Variants in TMPRSS15 observed in about 807,000 individuals in gnomAD.
The protein encoded by TMPRSS15 is enteropeptidase.
A neutral mutation model predicts 125.3 loss-of-function variants in TMPRSS15; 128 were observed. The observed-to-expected ratio is 1.02, with a 90% CI of 0.89 to 1.18. The LOEUF (loss-of-function observed/expected upper bound fraction) is 1.18. Ranked by LOEUF, TMPRSS15 falls within the 50% of genes most tolerant of loss-of-function variation. The pLI is 0.00. For missense variants in TMPRSS15, 1,283 were observed against 1,212.7 expected, an observed-to-expected ratio of 1.06 and a Z score of -0.86; for synonymous variants, 446 against 423.2, an observed-to-expected ratio of 1.05 and a Z score of -0.66.
At position 18,294,323 on chromosome 21, in the gene TMPRSS15, G is replaced by A. The variant is rs377055842; in HGVS notation, c.2433C>T (p.Gly811=). Reference sequence around the variant, plus strand: ...GCCAGTCACTGCTGACGAGAGATGCGCCGCAGAGCAGTCGGCCGCCATAAT... The same window carrying A: ...GCCAGTCACTGCTGACGAGAGATGCACCGCAGAGCAGTCGGCCGCCATAAT... ...GLYYGGRLLC[G]ASLVSSDWLV... Residue 811 remains glycine, a synonymous_variant, in exon 21 of 25, where the codon GGC becomes GGT. Coordinates refer to ENST00000284885, the MANE Select transcript of TMPRSS15 (RefSeq NM_002772.3). The A allele has an allele frequency of 3.3e-5, 53 of 1,614,098 alleles. 1 individual carries two copies. Among genetic ancestry groups the A allele is most frequent in the East Asian group, 2.9e-4 (13 of 44,890 alleles).
intron 21 of TMPRSS15, among the ~76,000 whole-genome samples, chr21:18,291,671 A>T (rs924638247): frequency 5.9e-5 from 9 of 152,208 alleles, no homozygotes; most frequent in African/African-American, 2.2e-4. Context: ...ACAGTTTTTG[A>T]TTAAACTATC....
At chr21:18,394,264 T>C (rs2076014268) in intron 3 of TMPRSS15, among the ~76,000 whole-genome samples, 1 of 152,182 alleles carries the variant, frequency 6.6e-6, no homozygotes, top group Non-Finnish European at 1.5e-5. Flanking sequence ...GTATCTCTCA[T>C]AGAATTTTAG....
chr21:18,318,830 T>C (rs889947278), intron 16 of TMPRSS15, among the ~76,000 whole-genome samples: 6 of 152,230 alleles, frequency 3.9e-5, no homozygotes, highest in Non-Finnish European at 8.8e-5. Flanking sequence ...ATGCCAGCTG[T>C]AATACCCATA....
rs375833531 is a variant in TMPRSS15, at chr21:18,275,574, G to A, written c.2765-238C>T. ...TTTTTACCGAAGGGCTAGTAGGAGC[G>A]ATGGATTAGACTAGATGGTCTTTGG... On this transcript the variant is annotated intron_variant, in intron 23 of 24. Coordinates refer to ENST00000284885, the MANE Select transcript of TMPRSS15 (RefSeq NM_002772.3). Among the ~76,000 whole-genome samples, 144 of 152,286 alleles carry A rather than the reference G, an allele frequency of 9.5e-4. 3 individuals are homozygous for A. Among genetic ancestry groups the A allele is most frequent in the African/African-American group, 3.2e-3 (132 of 41,566 alleles).
At chr21:18,397,193 A>G (rs1055434936) in intron 3 of TMPRSS15, among the ~76,000 whole-genome samples, 1 of 152,030 alleles carries the variant, frequency 6.6e-6, no homozygotes, top group East Asian at 1.9e-4. Context: ...GGTAGTTTGT[A>G]GTTTAGAAAA....
intron 18 of TMPRSS15, among the ~76,000 whole-genome samples, chr21:18,309,996 A>G (rs551006441): frequency 2.6e-5 from 4 of 152,286 alleles, no homozygotes; most frequent in Non-Finnish European, 5.9e-5. Context: ...TTTTGAGAAT[A>G]TAACAGGAAC....
At chr21:18,360,100 G>T (rs2147022813) in intron 7 of TMPRSS15, among the ~76,000 whole-genome samples, 1 of 152,056 alleles carries the variant, frequency 6.6e-6, no homozygotes, top group African/African-American at 2.4e-5. Context: ...ACTTCCCATT[G>T]CTTAGTCCTC....
upstream of TMPRSS15, among the ~76,000 whole-genome samples, chr21:18,406,260 G>A (rs1307911299): frequency 6.6e-6 from 1 of 152,096 alleles, no homozygotes; most frequent in East Asian, 1.9e-4. Context: ...GGGGGAAATA[G>A]AGTGGAATAT....
At chr21:18,297,404 ACAATTTCT>A (rs2074919122) in intron 19 of TMPRSS15, among the ~76,000 whole-genome samples, 1 of 152,106 alleles carries the variant, frequency 6.6e-6, no homozygotes, top group Non-Finnish European at 1.5e-5. Flanking sequence ...CCCAGTTCTC[ACAATTTCT>A]TTCCAAGTGA....
chr21:18,461,674 A>G (rs181998753), intron 1 of TMPRSS15, among the ~76,000 whole-genome samples: 1 of 152,258 alleles, frequency 6.6e-6, no homozygotes, highest in Admixed American at 6.5e-5. Context: ...TGAACCTCAC[A>G]GTTTTAAATT....
intron 16 of TMPRSS15, among the ~76,000 whole-genome samples, chr21:18,321,266 GT>G (rs2075231399): frequency 6.6e-6 from 1 of 151,476 alleles, no homozygotes; most frequent in Non-Finnish European, 1.5e-5. Flanking sequence ...CTATACAATT[GT>G]GTTAAATTTC....
Position 18,343,553 on chromosome 21 carries a change from T to A in TMPRSS15, c.1381A>T (p.Asn461Tyr), listed in dbSNP as rs373594153. The A allele has an allele frequency of 1.9e-6, 3 of 1,613,438 alleles. No homozygotes were observed. The highest frequency in any genetic ancestry group is 1.7e-4 in the Middle Eastern group (1 of 6,050). The change falls in exon 12 of 25, where the codon AAT (asparagine) becomes TAT (tyrosine). Residue 461 changes from asparagine (N) to tyrosine (Y), a missense_variant. Asn to Tyr is a moderately radical substitution (Grantham distance 143, BLOSUM62 -2). Coordinates refer to ENST00000284885, the MANE Select transcript of TMPRSS15 (RefSeq NM_002772.3). ...AGGGTTACTTGTCCATAATTCCAATTGTCTCCATAATTTCCTTCCTTTTGG... is the reference window on the plus strand; with the variant it reads ...AGGGTTACTTGTCCATAATTCCAATAGTCTCCATAATTTCCTTCCTTTTGG... ...VFQKEGNYGD[N>Y]WNYGQVTLNE...
At chr21:18,479,274 C>T (rs1299242185) in intron 1 of TMPRSS15, among the ~76,000 whole-genome samples, 1 of 151,922 alleles carries the variant, frequency 6.6e-6, no homozygotes, top group Non-Finnish European at 1.5e-5. Context: ...CAAATACATA[C>T]ATTCATAAAC....
chr21:18,403,177 A>C (rs1242168664), intron 1 of TMPRSS15, among the ~76,000 whole-genome samples: 2 of 152,196 alleles, frequency 1.3e-5, no homozygotes, highest in Admixed American at 1.3e-4. Flanking sequence ...ATATGTTGAA[A>C]CCAAGATACT....
chr21:18,403,429 T>C, intron 1 of TMPRSS15, 49 bp downstream of exon 1: 1 of 1,612,926 alleles, frequency 6.2e-7, no homozygotes, highest in Non-Finnish European at 8.5e-7. Flanking sequence ...CACTAAAGTG[T>C]GTACATTCAG....
At position 18,341,454 on chromosome 21, in the gene TMPRSS15, G is replaced by A. The variant is rs773071181; in HGVS notation, c.1523C>T (p.Pro508Leu). ...TYGICNGSLY[P>L]EPTLVPTPPP... ...AGGAGTTGGCACCAAAGTTGGTTCT[G>A]GATAAAGACTCCCATTGCAAATCCC... Residue 508 changes from proline (P) to leucine (L), a missense_variant, in exon 13 of 25, where the codon CCA becomes CTA. Physicochemically the swap from Pro to Leu is moderately conservative, Grantham distance 98 (BLOSUM62 -3). Transcript: ENST00000284885. The A allele has an allele frequency of 1.9e-6, 3 of 1,614,126 alleles. No individual in the cohort carries two copies. Among genetic ancestry groups the A allele is most frequent in the Non-Finnish European group, 2.5e-6 (3 of 1,180,000 alleles).
Position 18,341,625 on chromosome 21 carries a change from A to G in TMPRSS15, c.1429-77T>C, listed in dbSNP as rs1426533701. The G allele has an allele frequency of 1.0e-5, 15 of 1,471,820 alleles. No homozygotes were observed. In the East Asian group the frequency reaches 3.2e-4, roughly 31 times the overall value. The allele number at this position is 1,471,820 out of a possible 1,614,324, so 91.2% of individuals were successfully genotyped here. A position where few individuals can be genotyped will look rare whatever the true frequency, so the allele number is the denominator to read the frequency against. ...TGACTTGATTCTTCTTGTGAGCCCA[A>G]GAGATTCAATATTGTCTAGAGATTC... is the stretch of plus-strand genomic sequence containing the variant. On this transcript the variant is annotated intron_variant, in intron 12 of 24. Transcript: ENST00000284885.
rs200051263 is a variant in TMPRSS15, at chr21:18,357,554, C to CAG, written c.880+2202_880+2203insCT. On this transcript the variant is annotated intron_variant, in intron 8 of 24. Transcript: ENST00000284885. Reference sequence around the variant, plus strand: ...ATTTCCAATATTGTACAAATAATAACTATTTGAGATTGTATATTTTGAATT... The same window carrying CAG: ...ATTTCCAATATTGTACAAATAATAACAGTATTTGAGATTGTATATTTTGAATT... Among the ~76,000 whole-genome samples, 892 of 151,842 alleles carry CAG rather than the reference C, an allele frequency of 5.9e-3. 12 individuals are homozygous for CAG. Among genetic ancestry groups the CAG allele is most frequent in the African/African-American group, 0.02 (834 of 41,466 alleles).
rs2050845707 is a variant in TMPRSS15, at chr21:18,403,507, G to C, written c.116C>G (p.Ser39Cys). The C allele has an allele frequency of 1.2e-6, 2 of 1,614,014 alleles. No individual in the cohort carries two copies. The highest frequency in any genetic ancestry group is 1.7e-6 in the Non-Finnish European group (2 of 1,180,020). Reference sequence around the variant, plus strand: ...TTGGGATTCCTTGATTGTCAGGCAGGATACTGCAATTAATCCAGCACAGAG... The same window carrying C: ...TTGGGATTCCTTGATTGTCAGGCAGCATACTGCAATTAATCCAGCACAGAG... ...VVLCAGLIAV[S>C]CLTIKESQRG... The change falls in exon 1 of 25, where the codon TCC (serine) becomes TGC (cysteine). Residue 39 changes from serine (S) to cysteine (C), a missense_variant. By Grantham distance (112) the Ser-to-Cys change is moderately radical. Coordinates refer to ENST00000284885, the MANE Select transcript of TMPRSS15 (RefSeq NM_002772.3).
Sources: gnomAD v4.1 joint callset for allele counts (sites outside exome capture counted in the v4.1 genomes callset) on GRCh38, gnomAD v4.1.1 for gene constraint, MANE v1.5 for transcripts, NCBI Gene and HGNC (gene_info 2026-07-23, HGNC 2026-07-21) for gene names.